The following VPS35L variants were observed in gnomAD, a reference collection of about 807,000 sequenced individuals.
The protein encoded by VPS35L is VPS35 endosomal protein sorting factor like.
Under a neutral mutation model 133.0 loss-of-function variants are expected in VPS35L, and 83 were observed. The observed-to-expected ratio is 0.62, with a 90% CI of 0.52 to 0.75. The LOEUF (loss-of-function observed/expected upper bound fraction) is 0.75, where lower values mean the gene tolerates loss of function less well. Among genes scored for constraint, VPS35L ranks in the 30% least tolerant of loss-of-function variants. The probability of loss-of-function intolerance (pLI) is 0.00; values close to 1 mark genes in which losing one functional copy is unlikely to be tolerated. For missense variants in VPS35L, 1,083 were observed against 1,206.8 expected, an observed-to-expected ratio of 0.90 and a Z score of 1.52; for synonymous variants, 423 against 449.9, an observed-to-expected ratio of 0.94 and a Z score of 0.76.
intron 26 of VPS35L, among the ~76,000 whole-genome samples, chr16:19,654,338 C>G (rs149420445): frequency 6.6e-6 from 1 of 152,152 alleles, no homozygotes; most frequent in East Asian, 1.9e-4. Flanking sequence ...GATACCCCCT[C>G]TCCCCACTAG....
intron 14 of VPS35L, among the ~76,000 whole-genome samples, chr16:19,619,166 C>T (rs1972996484): frequency 6.6e-6 from 1 of 152,030 alleles, no homozygotes; most frequent in African/African-American, 2.4e-5. Context: ...CTCCTGGCCT[C>T]AAGTGATCCT....
At chr16:19,562,965 A>G (rs1285297007) in intron 1 of VPS35L, among the ~76,000 whole-genome samples, 1 of 151,954 alleles carries the variant, frequency 6.6e-6, no homozygotes, top group Non-Finnish European at 1.5e-5. Flanking sequence ...GGGTTTCGCC[A>G]TGTTGCTCAG....
rs764394530 is a variant in VPS35L, at chr16:19,651,985, G to A, written c.2116G>A (p.Ala706Thr). 3 of 1,606,502 alleles carry A rather than the reference G, an allele frequency of 1.9e-6. No individual in the cohort carries two copies. In the African/African-American group the frequency reaches 4.0e-5, roughly 21 times the overall value. ...KTAAFVRACV[A>T]YCFITIPSLA... ...TCTTCCCTTCTCCTAGGCCTGTGTTGCCTACTGCTTCATCACCATCCCCTC... is the reference window on the plus strand; with the variant it reads ...TCTTCCCTTCTCCTAGGCCTGTGTTACCTACTGCTTCATCACCATCCCCTC... Residue 706 changes from alanine (A) to threonine (T), a missense_variant, in exon 26 of 31, where the codon GCC (alanine) becomes ACC (threonine). Transcript: ENST00000417362.
chr16:19,621,694 A>G (rs1482541228), intron 14 of VPS35L, among the ~76,000 whole-genome samples: 2 of 152,216 alleles, frequency 1.3e-5, no homozygotes, highest in Non-Finnish European at 2.9e-5. Context: ...AGGGGAAAAA[A>G]TCAGTAACCT....
rs1976088880 is a variant in VPS35L at position 19,700,464 on chromosome 16, A to G, written c.2880A>G (p.Gln960=). ...LTELALRLPL[Q]TRT is the part of the protein sequence containing the mutation. ...AGCTGGCCCTCAGACTCCCTCTGCA[A>G]ACAAGGACCTGACCCCCGGGCCCAT... Residue 960 remains glutamine (Q), a synonymous_variant, in exon 31 of 31, where the codon CAA becomes CAG. Transcript: ENST00000417362. The G allele has an allele frequency of 6.2e-7, 1 of 1,614,012 alleles. No homozygotes were observed. Among genetic ancestry groups the G allele is most frequent in the Non-Finnish European group, 8.5e-7 (1 of 1,179,950 alleles).
At chr16:19,587,042 G>A in intron 7 of VPS35L, among the ~76,000 whole-genome samples, 1 of 152,094 alleles carries the variant, frequency 6.6e-6, no homozygotes, top group East Asian at 1.9e-4. Context: ...TAAAATCGTG[G>A]CAGAAGGCAA....
At chr16:19,622,759 G>A (rs1244373497) in intron 14 of VPS35L, among the ~76,000 whole-genome samples, 1 of 152,092 alleles carries the variant, frequency 6.6e-6, no homozygotes, top group Non-Finnish European at 1.5e-5. Flanking sequence ...TTTGCTATTG[G>A]TCTTTAAGAA....
intron 26 of VPS35L, among the ~76,000 whole-genome samples, chr16:19,657,324 C>A (rs533651194): frequency 1.3e-5 from 2 of 152,040 alleles, no homozygotes; most frequent in Admixed American, 6.6e-5. Context: ...TAGGGATCTC[C>A]CCTGTTCTTT....
intron 27 of VPS35L, among the ~76,000 whole-genome samples, chr16:19,674,733 C>G (rs916023265): frequency 6.6e-6 from 1 of 152,092 alleles, no homozygotes. Flanking sequence ...ACCCCCACCC[C>G]CTGCAACCAC....
Position 19,586,882 on chromosome 16 carries a change from C to T in VPS35L, c.640-4908C>T, listed in dbSNP as rs982389924. On this transcript the variant is annotated intron_variant, in intron 7 of 30. Coordinates refer to ENST00000417362, the MANE Select transcript of VPS35L (RefSeq NM_020314.7). ...TGTGGAGCTACAGTTGTCTCAGCAA[C>T]GTTTGTTGAAAAGACTATTGTATTA... Among the ~76,000 whole-genome samples the T allele has an allele frequency of 2.0e-5, 3 of 152,208 alleles. No homozygotes were observed. In the East Asian group the frequency reaches 5.8e-4, roughly 29 times the overall value.
chr16:19,584,118 G>A (rs967303801), intron 7 of VPS35L, among the ~76,000 whole-genome samples: 1 of 152,084 alleles, frequency 6.6e-6, no homozygotes, highest in Non-Finnish European at 1.5e-5. Flanking sequence ...TATACATTTA[G>A]ATTGATTTCA....
chr16:19,596,997 T>A (rs1234794137), intron 8 of VPS35L, among the ~76,000 whole-genome samples: 4 of 151,616 alleles, frequency 2.6e-5, no homozygotes, highest in African/African-American at 4.8e-5. Context: ...CCATTCTGGG[T>A]GATAAAGTGA....
intron 3 of VPS35L, among the ~76,000 whole-genome samples, chr16:19,571,795 T>C (rs1222016285): frequency 1.3e-5 from 2 of 152,098 alleles, no homozygotes; most frequent in African/African-American, 2.4e-5. Context: ...TCTGCCCACA[T>C]TGGCCTCCCA....
rs13336105 is a variant in VPS35L, at chr16:19,561,836, T to C, written c.18-3015T>C. ...AAGAAAAACTATTGGCTGGGCTCAG[T>C]GGCTCACGTTTCTAATCCCAGCAGT... On this transcript the variant is annotated intron_variant, in intron 1 of 30. Coordinates refer to ENST00000417362, the MANE Select transcript of VPS35L (RefSeq NM_020314.7). 1.8e-3 allele frequency among the ~76,000 whole-genome samples: 270 copies of C among 152,316 alleles called. 1 individual carries two copies. Among genetic ancestry groups the C allele is most frequent in the African/African-American group, 6.3e-3 (260 of 41,576 alleles).
intron 14 of VPS35L, chr16:19,618,187 A>C (rs1349506657): frequency 6.6e-6 from 1 of 152,134 alleles, no homozygotes; most frequent in African/African-American, 2.4e-5. Flanking sequence ...GGACATATAG[A>C]GCAAAGCAAA....
chr16:19,601,589 C>T, intron 8 of VPS35L, 75 bp from the exon 9 acceptor site: 1 of 1,456,738 alleles, frequency 6.9e-7, no homozygotes, highest in Non-Finnish European at 9.5e-7. Context: ...CTCTGGGTCC[C>T]TAATTAACAA....
At chr16:19,648,855 A>T (rs1205240632) in intron 24 of VPS35L, among the ~76,000 whole-genome samples, 11 of 141,606 alleles carry the variant, frequency 7.8e-5, no homozygotes, top group Admixed American at 1.4e-4. Flanking sequence ...AGCCTAGGCA[A>T]CAAAGGGAGA....
intron 15 of VPS35L, 135 bp downstream of exon 15, chr16:19,626,358 C>T (rs1442985855): frequency 1.3e-5 from 10 of 744,668 alleles, no homozygotes; most frequent in East Asian, 2.6e-5. Flanking sequence ...TGCTGGAGTC[C>T]GGTTGCCTGG....
chr16:19,579,756 C>A (rs374945577), intron 6 of VPS35L: 6 of 152,124 alleles, frequency 3.9e-5, no homozygotes, highest in African/African-American at 1.4e-4. Flanking sequence ...AGCACAAAGA[C>A]CTTGCTTTGC....
Sources: gnomAD v4.1 joint callset for allele counts (sites outside exome capture counted in the v4.1 genomes callset) on GRCh38, gnomAD v4.1.1 for gene constraint, MANE v1.5 for transcripts, NCBI Gene and HGNC (gene_info 2026-07-23, HGNC 2026-07-21) for gene names.